Variants in MYH11 observed in about 807,000 individuals in gnomAD.
MYH11 encodes myosin-11.
A neutral mutation model predicts 246.6 loss-of-function variants in MYH11; 80 were observed. The ratio of observed to expected loss-of-function variants is 0.32; its 90% confidence interval spans 0.27 to 0.39. The LOEUF is 0.39. Ranked by LOEUF, MYH11 falls within the 10% of genes least tolerant of loss-of-function variation. The pLI is 1.00. For missense variants in MYH11, 2,158 were observed against 2,546.8 expected (o/e 0.85, Z 3.29); for synonymous variants, 1,071 against 1,015.5 (o/e 1.05, Z -1.04).
chr16:15,746,104 T>G (rs1405827119), intron 19 of MYH11, among the ~76,000 whole-genome samples: 1 of 151,428 alleles, frequency 6.6e-6, no homozygotes, highest in Non-Finnish European at 1.5e-5. Flanking sequence ...TTTTTTTTTT[T>G]GGTAGAGATA....
intron 2 of MYH11, among the ~76,000 whole-genome samples, chr16:15,829,663 C>T (rs2043675377): frequency 6.6e-6 from 1 of 152,214 alleles, no homozygotes; most frequent in Non-Finnish European, 1.5e-5. Flanking sequence ...ACCAGCAAGT[C>T]CCAGCTGCAG....
chr16:15,731,844 C>T (rs1254677501), intron 27 of MYH11, among the ~76,000 whole-genome samples: 1 of 151,978 alleles, frequency 6.6e-6, no homozygotes, highest in Non-Finnish European at 1.5e-5. Flanking sequence ...GGCTAGAGTG[C>T]AGTGGCATGA....
chr16:15,764,933 C>A (rs1309373194), intron 9 of MYH11, among the ~76,000 whole-genome samples: 4 of 152,230 alleles, frequency 2.6e-5, no homozygotes, highest in African/African-American at 9.7e-5. Context: ...CAAACAAAAA[C>A]GCTGTGTTCC....
At chr16:15,734,641 TTC>T (rs2041063942) in intron 26 of MYH11, among the ~76,000 whole-genome samples, 2 of 152,244 alleles carry the variant, frequency 1.3e-5, no homozygotes, top group African/African-American at 2.4e-5. Context: ...TTTCAAATTG[TTC>T]TCTGAGTATA....
chr16:15,745,282 C>A, intron 19 of MYH11, 45 bp from the exon 20 acceptor site: 1 of 1,412,368 alleles, frequency 7.1e-7, no homozygotes, highest in Non-Finnish European at 1.0e-6. Context: ...GAAGCCACAC[C>A]CTGCTGTCAA....
intron 2 of MYH11, among the ~76,000 whole-genome samples, chr16:15,836,731 T>C (rs2043907000): frequency 6.9e-6 from 1 of 144,464 alleles, no homozygotes; most frequent in Admixed American, 6.9e-5. Flanking sequence ...TTTTTTTTTT[T>C]TTTTTTTTTT....
chr16:15,780,474 CTTTTTTTT>C (rs71134460), intron 6 of MYH11, among the ~76,000 whole-genome samples: 2 of 69,002 alleles, frequency 2.9e-5, no homozygotes, highest in African/African-American at 6.1e-5. Context: ...GATTTTTACG[CTTTTTTTT>C]TTTTTTTTTT....
chr16:15,823,112 T>G, intron 3 of MYH11, 143 bp downstream of exon 3: 1 of 1,219,686 alleles, frequency 8.2e-7, no homozygotes, highest in East Asian at 2.5e-5. Flanking sequence ...AGATGTTCCT[T>G]TTGCTTTTTC....
At chr16:15,840,611 G>A (rs1021782647) in intron 1 of MYH11, among the ~76,000 whole-genome samples, 3 of 151,944 alleles carry the variant, frequency 2.0e-5, no homozygotes, top group African/African-American at 7.2e-5. Flanking sequence ...GCATGCCTAC[G>A]GTTCCAGCTA....
At position 15,721,520 on chromosome 16, in the gene MYH11, C is replaced by G. The variant is rs375969176; in HGVS notation, c.4480G>C (p.Glu1494Gln). 6.2e-7 allele frequency: 1 copy of G among 1,614,210 alleles called. No homozygotes were observed. Among genetic ancestry groups the G allele is most frequent in the South Asian group, 1.1e-5 (1 of 91,088 alleles). Residue 1494 changes from glutamate to glutamine, a missense_variant, in exon 32 of 41, where the codon GAG (glutamate) becomes CAG (glutamine). Transcript: ENST00000300036. ...AGTTCCTCTTTGGCTTCCAAGGCCT[C>G]TTCAAGGGCCCGAGCCAGGGACAGG... ...KALSLARALE[E>Q]ALEAKEELER...
At chr16:15,717,016 G>A in intron 38 of MYH11, 124 bp downstream of exon 38, 2 of 1,022,628 alleles carry the variant, frequency 2.0e-6, no homozygotes, top group East Asian at 4.7e-5. Flanking sequence ...CTGCACTGTA[G>A]GCATCACAGA....
At chr16:15,763,741 T>TCCGCCCCCCCCC in intron 10 of MYH11, 55 bp downstream of exon 10, 2 of 646,860 alleles carry the variant, frequency 3.1e-6, no homozygotes, top group Non-Finnish European at 5.8e-6. Flanking sequence ...AAATGTCACC[T>TCCGCCCCCCCCC]CCCCCACCCC....
At position 15,720,296 on chromosome 16, in the gene MYH11, G is replaced by T. The variant is rs376105806; in HGVS notation, c.4808C>A (p.Thr1603Lys). 6.2e-7 allele frequency: 1 copy of T among 1,613,992 alleles called. No homozygotes were observed. Among genetic ancestry groups the T allele is most frequent in the South Asian group, 1.1e-5 (1 of 91,068 alleles). ...TTGCTTTCGCTCGTCTTCCAGTTCC[G>T]TCTCATACTCGTGAAGCTGGGCGAG... Reference protein sequence around the residue: ...QLQRQLHEYETELEDERKQRA... With the variant: ...QLQRQLHEYEKELEDERKQRA... The change falls in exon 34 of 41, where the codon ACG becomes AAG. Residue 1603 changes from threonine (T) to lysine (K), a missense_variant. Thr to Lys is a moderately conservative substitution (Grantham distance 78). Transcript: ENST00000300036.
At chr16:15,714,636 C>G in intron 40 of MYH11, 2 of 572,316 alleles carry the variant, frequency 3.5e-6, no homozygotes, top group Non-Finnish European at 6.3e-6. Flanking sequence ...TGGGGATAGC[C>G]TCTTCCTCCT....
rs1331229920 is a variant in MYH11, at chr16:15,733,027, G to A, written c.3507-319C>T. ...AATGTTGGCTCTTATTTAATGAGCA[G>A]TTACTATATGCCAGGCCCTGAGCTA... is the stretch of plus-strand genomic sequence containing the variant. On this transcript the variant is annotated intron_variant, in intron 26 of 40. Transcript: ENST00000300036. 9 of 440,122 alleles carry A rather than the reference G, an allele frequency of 2.0e-5. No individual in the cohort carries two copies. The East Asian group carries it at 4.2e-4, about 20-fold the overall frequency. The allele number at this position is 440,122 out of a possible 1,614,324, so 27.3% of individuals were successfully genotyped here. A position where few individuals can be genotyped will look rare whatever the true frequency, so the allele number is the denominator to read the frequency against.
At chr16:15,833,318 G>T (rs2043794675) in intron 2 of MYH11, among the ~76,000 whole-genome samples, 1 of 139,470 alleles carries the variant, frequency 7.2e-6, no homozygotes, top group Non-Finnish European at 1.6e-5. Flanking sequence ...AAAGAAAAAA[G>T]AAGAAAGAAA....
chr16:15,830,634 T>C (rs888973776), intron 2 of MYH11, among the ~76,000 whole-genome samples: 2 of 152,062 alleles, frequency 1.3e-5, no homozygotes, highest in African/African-American at 4.8e-5. Context: ...TTGTAGCACT[T>C]TGGGAGGCTG....
In MYH11 at chr16:15,741,740, C is replaced by T. The variant is rs2041279031; in HGVS notation, c.2652+20G>A. ...AAGTCCTGTTCCCCAGCAACCCCAG[C>T]CATGCATCCATACAGGTACCTGCGA... is the stretch of plus-strand genomic sequence containing the variant. On this transcript the variant is annotated intron_variant, in intron 21 of 40. Transcript: ENST00000300036. The T allele has an allele frequency of 1.9e-6, 3 of 1,614,148 alleles. No homozygotes were observed. In the East Asian group the frequency reaches 6.7e-5, roughly 36 times the overall value.
Position 15,739,932 on chromosome 16 carries a change from G to A in MYH11, c.2997+119C>T, listed in dbSNP as rs2041223883. The A allele has an allele frequency of 3.8e-6, 4 of 1,059,858 alleles. No individual in the cohort carries two copies. The Admixed American group carries it at 7.7e-5, about 20-fold the overall frequency. 65.7% of individuals were successfully genotyped at this position (1,059,858 alleles called of 1,614,324 possible). On this transcript the variant is annotated intron_variant, in intron 23 of 40. Transcript: ENST00000300036. ...AATCTTTGTATTTTTAGTAGAGATG[G>A]AGTTTTACCCTGTTGGCCAGGCTAG...
Sources: allele counts gnomAD v4.1 joint callset (sites outside exome capture counted in the v4.1 genomes callset), GRCh38; gene constraint gnomAD v4.1.1; transcripts MANE v1.5; gene names NCBI Gene and HGNC (gene_info 2026-07-23, HGNC 2026-07-21).